TRAP1: variants seen among roughly 807,000 people sequenced by gnomAD.
TRAP1 encodes heat shock protein 75 kDa, mitochondrial.
Under a neutral mutation model 89.1 loss-of-function variants are expected in TRAP1, and 102 were observed. The ratio of observed to expected loss-of-function variants is 1.15; its 90% CI spans 0.98 to 1.35. The LOEUF (loss-of-function observed/expected upper bound fraction) is 1.35. TRAP1 is among the 40% of genes most tolerant of loss of function. The probability of loss-of-function intolerance (pLI) is 0.00; values close to 1 mark genes in which losing one functional copy is unlikely to be tolerated. For missense variants in TRAP1, 1,256 were observed against 945.3 expected (o/e 1.33, Z -4.31); for synonymous variants, 508 against 388.0 (o/e 1.31, Z -3.64).
intron 1 of TRAP1, among the ~76,000 whole-genome samples, chr16:3,708,291 G>A (rs2051478338): frequency 1.3e-5 from 2 of 152,144 alleles, no homozygotes; most frequent in Admixed American, 1.3e-4. Flanking sequence ...TTTGAGACTA[G>A]CCTGGCCAAC....
chr16:3,709,947 G>T (rs1337015494), intron 1 of TRAP1, among the ~76,000 whole-genome samples: 1 of 152,212 alleles, frequency 6.6e-6, no homozygotes, highest in Non-Finnish European at 1.5e-5. Context: ...ACCGCGCCTG[G>T]CGAGAAGATT....
intron 6 of TRAP1, chr16:3,676,738 T>C (rs1477340148): frequency 2.0e-5 from 3 of 152,526 alleles, no homozygotes; most frequent in Non-Finnish European, 2.9e-5. Flanking sequence ...ACGCCTCGGC[T>C]GGCTGGAAGC....
At chr16:3,660,024 A>G (rs74363389) in intron 16 of TRAP1, 6 of 152,168 alleles carry the variant, frequency 3.9e-5, no homozygotes, top group Non-Finnish European at 5.9e-5. Context: ...ACCGCACCCA[A>G]CCTAACAGAG....
chr16:3,699,015 C>T (rs2051329027), intron 1 of TRAP1, among the ~76,000 whole-genome samples: 1 of 152,176 alleles, frequency 6.6e-6, no homozygotes, highest in African/African-American at 2.4e-5. Context: ...GGAAAAACCA[C>T]AAACCTCAAT....
chr16:3,658,299 C>T, intron 17 of TRAP1, 69 bp from the exon 18 acceptor site: 2 of 1,249,812 alleles, frequency 1.6e-6, no homozygotes, highest in Admixed American at 3.8e-5. Context: ...TTTTTTGAGA[C>T]AGAGTCTCAC....
rs539232146 is a variant in TRAP1 at position 3,679,604 on chromosome 16, C to T, written c.543+115G>A. On this transcript the variant is annotated intron_variant, in intron 5 of 17. Transcript: ENST00000246957. ...TGAGGTGTTCCCACAGTACCCACTG[C>T]GTGGCATGCAACTGACAACGTTCTT... 129 of 1,011,298 alleles carry T rather than the reference C, an allele frequency of 1.3e-4. 1 individual carries two copies. The highest frequency in any genetic ancestry group is 4.8e-4 in the Admixed American group (27 of 56,592). The allele number at this position is 1,011,298 out of a possible 1,614,324, so 62.6% of individuals were successfully genotyped here.
intron 5 of TRAP1, chr16:3,678,464 GT>G (rs1234404568): frequency 6.6e-6 from 1 of 150,860 alleles, no homozygotes; most frequent in Non-Finnish European, 1.5e-5. Context: ...GTTTGTTGTT[GT>G]TGTTGTTGTT....
Position 3,662,089 on chromosome 16 carries a change from A to G in TRAP1, c.1838T>C (p.Leu613Pro), listed in dbSNP as rs1567220236. ...GAAGTGGCGGGCAGCCCCCATCTCC[A>G]GCACGGTGACCATGGCAGGGTGGGT... Reference protein sequence around the residue: ...LDTHPAMVTVLEMGAARHFLR... With the variant: ...LDTHPAMVTVPEMGAARHFLR... Residue 613 changes from leucine (L) to proline (P), a missense_variant, in exon 16 of 18, where the codon CTG (leucine) becomes CCG (proline). Coordinates refer to ENST00000246957, the MANE Select transcript of TRAP1 (RefSeq NM_016292.3). 3 of 1,613,230 alleles carry G rather than the reference A, an allele frequency of 1.9e-6. No individual in the cohort carries two copies. The highest frequency in any genetic ancestry group is 2.2e-5 in the South Asian group (2 of 91,068).
Position 3,658,884 on chromosome 16 carries a change from C to CAGAAAAAGCAGCTCAGT in TRAP1, c.1941-36_1941-20dup. 1 of 1,613,742 alleles carries CAGAAAAAGCAGCTCAGT rather than the reference C, an allele frequency of 6.2e-7. No homozygotes were observed. The highest frequency in any genetic ancestry group is 1.1e-5 in the South Asian group (1 of 91,072). ...CGCGTGCCTGCAACACAGAACCCAC[C>CAGAAAAAGCAGCTCAGT]AGAAAAAGCAGCTCAGTACCACGTG... is the stretch of plus-strand genomic sequence containing the variant. On this transcript the variant is annotated intron_variant, in intron 16 of 17. Transcript: ENST00000246957.
intron 1 of TRAP1, among the ~76,000 whole-genome samples, chr16:3,693,401 AAATCCCGGGAC>A (rs146262039): frequency 0.21 from 30,386 of 144,110 alleles, 3,178 homozygotes; most frequent in East Asian, 0.4. Flanking sequence ...AAAAAAAAAA[AAATCCCGGGAC>A]ATTTCTTCTG....
rs1346407832 is a variant in TRAP1, at chr16:3,668,401, GT to G, written c.1236-2284del. On this transcript the variant is annotated intron_variant, in intron 11 of 17. Coordinates refer to ENST00000246957, the MANE Select transcript of TRAP1 (RefSeq NM_016292.3). ...AAGTAAATAAATGAATGTATTGAGA[GT>G]TTCATGAAGAATGTGACATTTACAT... Among the ~76,000 whole-genome samples the G allele has an allele frequency of 2.6e-5, 4 of 152,268 alleles. No individual in the cohort carries two copies. In the East Asian group the frequency reaches 7.7e-4, roughly 29 times the overall value.
intron 15 of TRAP1, 185 bp from the exon 16 acceptor site, chr16:3,662,317 C>G: frequency 5.6e-6 from 4 of 715,124 alleles, no homozygotes; most frequent in Non-Finnish European, 9.0e-6. Flanking sequence ...TGATGCCCCA[C>G]GCAAAGATAC....
intron 1 of TRAP1, among the ~76,000 whole-genome samples, chr16:3,705,126 G>T (rs1339899133): frequency 6.6e-6 from 1 of 152,018 alleles, no homozygotes; most frequent in African/African-American, 2.4e-5. Context: ...GTGCAGTGGA[G>T]CCATCTGGGC....
At chr16:3,669,832 CAAAAAA>C (rs59256364) in intron 11 of TRAP1, among the ~76,000 whole-genome samples, 25 of 66,146 alleles carry the variant, frequency 3.8e-4, no homozygotes, top group Non-Finnish European at 5.2e-4. Context: ...GACTCCGTCT[CAAAAAA>C]AAAAAAAAAA....
chr16:3,666,109 C>T lies in TRAP1; in HGVS notation c.1245G>A (p.Arg415=). Residue 415 remains arginine, a synonymous_variant, in exon 12 of 18, where the codon CGG becomes CGA. Transcript: ENST00000246957. ...LQESALIRKL[R]DVLQQRLIKF... ...TGATCAGCCTCTGCTGTAAAACGTC[C>T]CGGAGTTTCCTACAGAAAAGAAATG... 6.2e-7 allele frequency: 1 copy of T among 1,611,000 alleles called. No homozygotes were observed. The highest frequency in any genetic ancestry group is 8.5e-7 in the Non-Finnish European group (1 of 1,179,130).
chr16:3,677,059 GAAAAA>G (rs80038367), intron 6 of TRAP1: 4 of 87,424 alleles, frequency 4.6e-5, no homozygotes, highest in Non-Finnish European at 4.7e-5. Context: ...CGTCCCAAAG[GAAAAA>G]AAAAAAAAAA....
At chr16:3,681,348 C>T (rs1210959159) in intron 4 of TRAP1, among the ~76,000 whole-genome samples, 4 of 152,214 alleles carry the variant, frequency 2.6e-5, no homozygotes, top group East Asian at 1.9e-4. Flanking sequence ...GTCAGTGCCA[C>T]TCAGCAAATA....
intron 1 of TRAP1, among the ~76,000 whole-genome samples, chr16:3,704,789 G>T (rs769085461): frequency 7.9e-5 from 12 of 152,100 alleles, no homozygotes; most frequent in Non-Finnish European, 1.5e-4. Context: ...CAAGTTGGGA[G>T]GAACACTTGA....
In TRAP1 at chr16:3,666,057, CT is replaced by C; in HGVS notation, c.1296del (p.Asp433MetfsTer21). 1 of 1,614,164 alleles carries C rather than the reference CT, an allele frequency of 6.2e-7. No individual in the cohort carries two copies. Among genetic ancestry groups the C allele is most frequent in the Non-Finnish European group, 8.5e-7 (1 of 1,180,020 alleles). On this transcript the variant is annotated frameshift_variant, in exon 12 of 18. Coordinates refer to ENST00000246957, the MANE Select transcript of TRAP1 (RefSeq NM_016292.3). LOFTEE classifies it high-confidence loss of function. Reference sequence around the variant, plus strand: ...AAAAACTTTGCATACTTCTCAGCATCTTTTTTACTCTGGTCAATGAAGAATT... The same window carrying C: ...AAAAACTTTGCATACTTCTCAGCATCTTTTTACTCTGGTCAATGAAGAATT... ...LIKFFIDQSK[K>X]DAEKYAKFFE...
Sources: gnomAD v4.1 joint callset for allele counts (sites outside exome capture counted in the v4.1 genomes callset) on GRCh38, gnomAD v4.1.1 for gene constraint, MANE v1.5 for transcripts, NCBI Gene and HGNC (gene_info 2026-07-23, HGNC 2026-07-21) for gene names.